Variants in SGCZ observed in about 807,000 individuals in gnomAD.
SGCZ encodes sarcoglycan zeta.
A neutral mutation model predicts 41.3 loss-of-function variants in SGCZ; 40 were observed. The observed-to-expected ratio is 0.97, with a 90% CI of 0.75 to 1.26. The LOEUF (loss-of-function observed/expected upper bound fraction) is 1.26. Ranked by LOEUF, SGCZ falls within the 50% of genes most tolerant of loss-of-function variation. The probability of loss-of-function intolerance (pLI) is 0.00; values close to 1 mark genes in which losing one functional copy is unlikely to be tolerated. For synonymous variants in SGCZ, 206 were observed against 137.5 expected (o/e 1.50, Z -3.49); for missense variants, 552 against 369.8 (o/e 1.49, Z -4.04).
intron 1 of SGCZ, among the ~76,000 whole-genome samples, chr8:15,159,571 C>G (rs1470788898): frequency 6.6e-6 from 1 of 152,146 alleles, no homozygotes; most frequent in Non-Finnish European, 1.5e-5. Context: ...AGCTTGTGTC[C>G]ACTGCAGAAC....
At chr8:14,590,327 A>G (rs940376729) in intron 1 of SGCZ, among the ~76,000 whole-genome samples, 11 of 152,010 alleles carry the variant, frequency 7.2e-5, no homozygotes, top group African/African-American at 2.7e-4. Context: ...AGCTCATGAC[A>G]GAGCAATTGT....
At chr8:15,019,056 T>G (rs1480699) in intron 1 of SGCZ, among the ~76,000 whole-genome samples, 1 of 152,006 alleles carries the variant, frequency 6.6e-6, no homozygotes, top group African/African-American at 2.4e-5. Flanking sequence ...CTCACTATCA[T>G]GAGAACAGCA....
At chr8:14,438,293 A>G (rs1423213925) in intron 2 of SGCZ, among the ~76,000 whole-genome samples, 1 of 152,050 alleles carries the variant, frequency 6.6e-6, no homozygotes, top group Non-Finnish European at 1.5e-5. Flanking sequence ...TTTTAGAAGA[A>G]AAAGGTCAAT....
At chr8:14,544,938 T>A (rs2117161460) in intron 2 of SGCZ, among the ~76,000 whole-genome samples, 1 of 152,260 alleles carries the variant, frequency 6.6e-6, no homozygotes, top group South Asian at 2.1e-4. Flanking sequence ...TTGAAGCATG[T>A]GATCTTTGTA....
chr8:14,546,377 G>A (rs978217814), intron 2 of SGCZ, among the ~76,000 whole-genome samples: 6 of 152,276 alleles, frequency 3.9e-5, no homozygotes, highest in Admixed American at 1.3e-4. Flanking sequence ...CTTTCTTATC[G>A]TGGACAATGA....
At chr8:14,712,993 A>G (rs1356686396) in intron 1 of SGCZ, among the ~76,000 whole-genome samples, 1 of 152,094 alleles carries the variant, frequency 6.6e-6, no homozygotes, top group Admixed American at 6.6e-5. Context: ...CAGGTGACAA[A>G]TGTAGTCATT....
At chr8:14,641,373 T>G (rs910899837) in intron 1 of SGCZ, among the ~76,000 whole-genome samples, 1 of 151,758 alleles carries the variant, frequency 6.6e-6, no homozygotes, top group Non-Finnish European at 1.5e-5. Context: ...TTTTAAAGTA[T>G]TTTAATAAAT....
At chr8:14,435,763 G>T (rs1228815675) in intron 2 of SGCZ, among the ~76,000 whole-genome samples, 1 of 152,174 alleles carries the variant, frequency 6.6e-6, no homozygotes, top group Non-Finnish European at 1.5e-5. Context: ...TGACTAAACT[G>T]CAAATACGTG....
intron 3 of SGCZ, among the ~76,000 whole-genome samples, chr8:14,307,963 G>A (rs1286782732): frequency 3.9e-5 from 6 of 152,192 alleles, no homozygotes; most frequent in Middle Eastern, 3.4e-3. Flanking sequence ...CTTTTAGGGG[G>A]TGAAGACATT....
At chr8:15,015,772 G>C (rs1345361861) in intron 1 of SGCZ, among the ~76,000 whole-genome samples, 1 of 125,940 alleles carries the variant, frequency 7.9e-6, no homozygotes. Flanking sequence ...TGTGTGTGTA[G>C]TTTAAGCAAT....
At chr8:14,226,854 A>T (rs138907407) in intron 4 of SGCZ, among the ~76,000 whole-genome samples, 1 of 152,196 alleles carries the variant, frequency 6.6e-6, no homozygotes, top group South Asian at 2.1e-4. Flanking sequence ...TTTGTATCCA[A>T]TCTAACACAG....
At chr8:14,738,151 C>A (rs1331250792) in intron 1 of SGCZ, among the ~76,000 whole-genome samples, 1 of 152,072 alleles carries the variant, frequency 6.6e-6, no homozygotes, top group Non-Finnish European at 1.5e-5. Context: ...ATGCAAATTT[C>A]TTTGGGATCT....
chr8:14,822,762 A>C (rs1159854414), intron 1 of SGCZ, among the ~76,000 whole-genome samples: 1 of 152,148 alleles, frequency 6.6e-6, no homozygotes, highest in Non-Finnish European at 1.5e-5. Flanking sequence ...GAAAAAAAAA[A>C]GATATCCACA....
At chr8:15,011,771 G>A (rs1282758937) in intron 1 of SGCZ, among the ~76,000 whole-genome samples, 1 of 152,082 alleles carries the variant, frequency 6.6e-6, no homozygotes, top group Admixed American at 6.6e-5. Context: ...CCTCTAAAAT[G>A]TTTATTGTAT....
chr8:14,177,663 C>G (rs1307988649), intron 4 of SGCZ, among the ~76,000 whole-genome samples: 1 of 149,662 alleles, frequency 6.7e-6, no homozygotes, highest in Non-Finnish European at 1.5e-5. Flanking sequence ...GCGCCCGCCA[C>G]CACGCCCTGC....
At chr8:14,656,465 C>A (rs1461780843) in intron 1 of SGCZ, among the ~76,000 whole-genome samples, 1 of 140,178 alleles carries the variant, frequency 7.1e-6, no homozygotes, top group Non-Finnish European at 1.5e-5. Flanking sequence ...CTTTTCTTTT[C>A]GTTTTTTCTT....
chr8:14,802,915 G>C (rs1462981338), intron 1 of SGCZ, among the ~76,000 whole-genome samples: 1 of 152,156 alleles, frequency 6.6e-6, no homozygotes, highest in Non-Finnish European at 1.5e-5. Context: ...CAAGCATTCA[G>C]CTAAAGCAGC....
chr8:15,077,494 C>T (rs1382081360), intron 1 of SGCZ, among the ~76,000 whole-genome samples: 1 of 152,116 alleles, frequency 6.6e-6, no homozygotes, highest in Non-Finnish European at 1.5e-5. Flanking sequence ...GTGTGTGTTC[C>T]ACCATATGGC....
At chr8:14,711,392 C>G (rs970644861) in intron 1 of SGCZ, among the ~76,000 whole-genome samples, 3 of 148,376 alleles carry the variant, frequency 2.0e-5, no homozygotes, top group Admixed American at 6.8e-5. Flanking sequence ...GAGTTCGAGA[C>G]CAGCCTGGCC....
Sources: gnomAD v4.1 joint callset for allele counts (sites outside exome capture counted in the v4.1 genomes callset) on GRCh38, gnomAD v4.1.1 for gene constraint, MANE v1.5 for transcripts, NCBI Gene and HGNC (gene_info 2026-07-23, HGNC 2026-07-21) for gene names.